The following BLTP1 variants were observed in gnomAD, a reference collection of about 807,000 sequenced individuals.
BLTP1 encodes fragile site-associated protein.
At chr4:122,304,766 C>G in the BLTP1 span, 8 of 1,603,960 alleles carry the variant, frequency 5.0e-6, no homozygotes, top group South Asian at 1.1e-5. Context: ...ATTTAAGATT[C>G]ATTTTTTTCC....
At chr4:122,165,420 G>A in the BLTP1 span, among the ~76,000 whole-genome samples, 1 of 150,292 alleles carries the variant, frequency 6.7e-6, no homozygotes, top group African/African-American at 2.4e-5. Flanking sequence ...TTTTATGGCT[G>A]CATAGTATTC....
the BLTP1 span, chr4:122,344,225 C>A: frequency 2.1e-6 from 1 of 467,260 alleles, no homozygotes; most frequent in Non-Finnish European, 2.8e-6. Context: ...GTTAGAAATG[C>A]TAATGCTCAT....
At chr4:122,300,376 C>T in the BLTP1 span, among the ~76,000 whole-genome samples, 3 of 152,144 alleles carry the variant, frequency 2.0e-5, no homozygotes, top group Non-Finnish European at 4.4e-5. Context: ...TACTTTCCAT[C>T]TCTTCATCCA....
At chr4:122,361,956 A>T in the BLTP1 span, 9 of 1,527,288 alleles carry the variant, frequency 5.9e-6, no homozygotes, top group Admixed American at 1.7e-4. Flanking sequence ...AGGCTTAGTG[A>T]TGTTCTTTTC....
chr4:122,167,700 C>T, the BLTP1 span: 4 of 985,416 alleles, frequency 4.1e-6, no homozygotes, highest in Non-Finnish European at 4.8e-6. Context: ...ACTCCACAAG[C>T]TTGTCCGTCA....
At chr4:122,270,774 TAAG>T in the BLTP1 span, among the ~76,000 whole-genome samples, 1 of 152,070 alleles carries the variant, frequency 6.6e-6, no homozygotes, top group Non-Finnish European at 1.5e-5. Context: ...TTTCTTAACA[TAAG>T]AAGACTGATT....
the BLTP1 span, chr4:122,182,790 T>C: frequency 4.1e-6 from 4 of 985,244 alleles, no homozygotes; most frequent in African/African-American, 7.0e-5. Context: ...GCATCTGCTC[T>C]ACCAAATCGA....
chr4:122,246,821 C>T, the BLTP1 span: 2 of 1,609,572 alleles, frequency 1.2e-6, no homozygotes, highest in South Asian at 1.1e-5. Flanking sequence ...GTAAGAAATA[C>T]TTTATTAATC....
the BLTP1 span, chr4:122,272,521 AGAAAAACTG>A: frequency 1.2e-6 from 1 of 835,610 alleles, no homozygotes; most frequent in Non-Finnish European, 1.8e-6. Context: ...TTTTTTTCCC[AGAAAAACTG>A]GACTTCCCAA....
chr4:122,269,423 T>C, the BLTP1 span: 1 of 985,272 alleles, frequency 1.0e-6, no homozygotes, highest in Non-Finnish European at 1.2e-6. Flanking sequence ...GTGAACTTCA[T>C]TGCGTTTGGT....
At chr4:122,219,656 A>G in the BLTP1 span, 1 of 868,680 alleles carries the variant, frequency 1.2e-6, no homozygotes, top group South Asian at 1.9e-5. Flanking sequence ...ACTTAGAAAA[A>G]GAAAATCAGA....
the BLTP1 span, among the ~76,000 whole-genome samples, chr4:122,323,440 C>CTTT: frequency 7.1e-6 from 1 of 140,406 alleles, no homozygotes; most frequent in African/African-American, 2.6e-5. Flanking sequence ...AGAGAACCCT[C>CTTT]TTTTTTTTTT....
chr4:122,230,082 C>T, the BLTP1 span: 1 of 1,614,064 alleles, frequency 6.2e-7, no homozygotes, highest in Non-Finnish European at 8.5e-7. Flanking sequence ...CTACGGAGGG[C>T]CTATTGGCTT....
chr4:122,356,785 T>G, the BLTP1 span: 2 of 1,594,748 alleles, frequency 1.3e-6, no homozygotes, highest in Non-Finnish European at 1.7e-6. Flanking sequence ...TCTTTTAGGC[T>G]GCAAGAATGG....
the BLTP1 span, chr4:122,348,849 T>C: frequency 2.2e-3 from 1,402 of 645,550 alleles, 3 homozygotes; most frequent in Non-Finnish European, 3.1e-3. Flanking sequence ...ATATAAAATG[T>C]TTTATCCTGA....
chr4:122,335,207 T>C, the BLTP1 span, among the ~76,000 whole-genome samples: 2 of 152,068 alleles, frequency 1.3e-5, no homozygotes, highest in Non-Finnish European at 2.9e-5. Flanking sequence ...GGCAGTTGAC[T>C]TCCCTTAAAA....
the BLTP1 span, chr4:122,258,955 C>T: frequency 1.0e-5 from 6 of 601,624 alleles, no homozygotes; most frequent in East Asian, 5.9e-5. Context: ...ATAGCATTTT[C>T]GTGTTGAAAT....
the BLTP1 span, chr4:122,250,336 A>G: frequency 1.0e-5 from 16 of 1,571,498 alleles, no homozygotes; most frequent in Non-Finnish European, 1.3e-5. Context: ...ACCATTTATA[A>G]TAAATGCTTT....
At chr4:122,184,331 C>A in the BLTP1 span, among the ~76,000 whole-genome samples, 900 of 152,152 alleles carry the variant, frequency 5.9e-3, 7 homozygotes, top group Non-Finnish European at 8.8e-3. Flanking sequence ...TAGTTGATAG[C>A]AGTTGCTAAG....
Sources: allele counts gnomAD v4.1 joint callset (sites outside exome capture counted in the v4.1 genomes callset), GRCh38; gene constraint gnomAD v4.1.1; transcripts MANE v1.5; gene names NCBI Gene and HGNC (gene_info 2026-07-23, HGNC 2026-07-21).